Variants in ALDH5A1 observed in about 807,000 individuals in gnomAD.
ALDH5A1 encodes aldehyde dehydrogenase 5 family member A1, also known as succinate-semialdehyde dehydrogenase, mitochondrial.
A neutral mutation model predicts 54.7 loss-of-function variants in ALDH5A1; 33 were observed. The ratio of observed to expected loss-of-function variants is 0.60; its 90% CI spans 0.46 to 0.81. ALDH5A1 has a LOEUF of 0.81. Ranked by LOEUF, ALDH5A1 falls within the 30% of genes least tolerant of loss-of-function variation. The pLI is 0.00. For missense variants in ALDH5A1, 657 were observed against 711.0 expected (o/e 0.92, Z 0.86); for synonymous variants, 294 against 292.7 (o/e 1.00, Z -0.05).
At chr6:24,510,537 C>G (rs1310434422) in intron 4 of ALDH5A1, among the ~76,000 whole-genome samples, 2 of 152,090 alleles carry the variant, frequency 1.3e-5, no homozygotes, top group Non-Finnish European at 2.9e-5. Context: ...TTGAACGAGG[C>G]CTTTTATCAA....
Position 24,506,051 on chromosome 6 carries a change from C to T in ALDH5A1, c.726+1066C>T, listed in dbSNP as rs114853559. On this transcript the variant is annotated intron_variant, in intron 4 of 9. Transcript: ENST00000357578. ...TTTTCCCCCAGAACACCTAAAACTA[C>T]CTACCCTATCACTATTTGTAGGCCT... 4.8e-3 allele frequency among the ~76,000 whole-genome samples: 732 copies of T among 151,888 alleles called. 5 individuals are homozygous for T. Among genetic ancestry groups the T allele is most frequent in the African/African-American group, 0.017 (695 of 41,444 alleles).
chr6:24,527,977 T>C lies in ALDH5A1; in HGVS notation c.1174-20T>C. 1 of 1,613,640 alleles carries C rather than the reference T, an allele frequency of 6.2e-7. No individual in the cohort carries two copies. The highest frequency in any genetic ancestry group is 2.2e-5 in the East Asian group (1 of 44,864). ...AAGATTGTATCATGTGGAAAGCTTTTTTTCTTCCTCATTACACAGGTGGAG... is the reference window on the plus strand; with the variant it reads ...AAGATTGTATCATGTGGAAAGCTTTCTTTCTTCCTCATTACACAGGTGGAG... On this transcript the variant is annotated intron_variant, in intron 7 of 9. Transcript: ENST00000357578.
At chr6:24,515,102 C>CTTTTTTTTTTT (rs4646842) in intron 4 of ALDH5A1, 65 bp from the exon 5 acceptor site, 79 of 932,042 alleles carry the variant, frequency 8.5e-5, no homozygotes, top group South Asian at 3.1e-4. Context: ...TTTCTCTTTT[C>CTTTTTTTTTTT]TTTTTTTTTT....
chr6:24,513,813 G>A (rs566335897), intron 4 of ALDH5A1, among the ~76,000 whole-genome samples: 103 of 150,648 alleles, frequency 6.8e-4, no homozygotes, highest in African/African-American at 2.4e-3. Flanking sequence ...GCCCGTTGCT[G>A]CCCCCTGCTT....
chr6:24,498,979 A>C (rs1479949496), intron 1 of ALDH5A1, among the ~76,000 whole-genome samples: 7 of 152,140 alleles, frequency 4.6e-5, no homozygotes, highest in Non-Finnish European at 2.9e-5. Flanking sequence ...GGGCGCCTGT[A>C]ATCCCAGCTA....
At chr6:24,529,703 G>A (rs1447889512) in intron 8 of ALDH5A1, among the ~76,000 whole-genome samples, 6 of 105,646 alleles carry the variant, frequency 5.7e-5, no homozygotes, top group East Asian at 2.7e-4. Flanking sequence ...ATGGAGTCTC[G>A]CTCTGTCACC....
chr6:24,514,546 C>G (rs897714451), intron 4 of ALDH5A1, among the ~76,000 whole-genome samples: 4 of 152,098 alleles, frequency 2.6e-5, no homozygotes, highest in Non-Finnish European at 5.9e-5. Flanking sequence ...CGAGACCAGC[C>G]TGGCTAACAT....
chr6:24,529,680 T>TTTG (rs1432939411), intron 8 of ALDH5A1, among the ~76,000 whole-genome samples: 10 of 140,956 alleles, frequency 7.1e-5, no homozygotes, highest in Non-Finnish European at 1.6e-4. Flanking sequence ...GTTTTTTTTT[T>TTTG]TTTTTTTTTT....
intron 4 of ALDH5A1, among the ~76,000 whole-genome samples, chr6:24,511,332 G>A (rs1423288222): frequency 1.3e-5 from 2 of 152,190 alleles, no homozygotes; most frequent in Non-Finnish European, 2.9e-5. Context: ...TTTCCCAGGT[G>A]TTCTTTGTGC....
chr6:24,524,166 A>G (rs1759758984), intron 7 of ALDH5A1, among the ~76,000 whole-genome samples: 2 of 151,792 alleles, frequency 1.3e-5, no homozygotes, highest in Admixed American at 1.3e-4. Flanking sequence ...TTGTATTTTT[A>G]GTAGTGCTGG....
Position 24,504,945 on chromosome 6 carries a change from C to T in ALDH5A1, c.686C>T (p.Pro229Leu). The T allele has an allele frequency of 6.2e-7, 1 of 1,614,228 alleles. No homozygotes were observed. Among genetic ancestry groups the T allele is most frequent in the South Asian group, 1.1e-5 (1 of 91,086 alleles). Residue 229 changes from proline to leucine, a missense_variant, in exon 4 of 10, where the codon CCT becomes CTT. This residue lies in a region of ALDH5A1 where 425 missense variants were observed against 516.4 expected (regional missense o/e 0.82). Transcript: ENST00000357578. ...GCCGGCTGTACTGTCGTGGTGAAGC[C>T]TGCCGAAGACACGCCCTTCTCCGCC... Reference protein sequence around the residue: ...LAAGCTVVVKPAEDTPFSALA... With the variant: ...LAAGCTVVVKLAEDTPFSALA...
chr6:24,531,686 G>A (rs1759939275), intron 8 of ALDH5A1, among the ~76,000 whole-genome samples: 1 of 152,198 alleles, frequency 6.6e-6, no homozygotes, highest in Non-Finnish European at 1.5e-5. Flanking sequence ...CCATTGTTAA[G>A]CAGTGGTGGA....
In ALDH5A1 at chr6:24,535,266, T is replaced by G. The variant is rs1435382774; in HGVS notation, c.*1554T>G. On this transcript the variant is annotated 3_prime_UTR_variant, in exon 10 of 10. Coordinates refer to ENST00000357578, the MANE Select transcript of ALDH5A1 (RefSeq NM_001080.3). ...GAAGCTATGGTTGAGTAACTAAAGG[T>G]CTGGCAAGACCCTGGGCACACAGGG... 1 of 152,134 alleles carries G rather than the reference T, an allele frequency of 6.6e-6. No individual in the cohort carries two copies. The highest frequency in any genetic ancestry group is 1.5e-5 in the Non-Finnish European group (1 of 68,064). The allele number at this position is 152,134 out of a possible 1,614,324, so 9.4% of individuals were successfully genotyped here.
At chr6:24,522,534 TGCATAGCAGCTGTGTA>T (rs1165285526) in intron 6 of ALDH5A1, 105 of 427,652 alleles carry the variant, frequency 2.5e-4, no homozygotes, top group African/African-American at 2.2e-3. Context: ...TAATCACTGA[TGCATAGCAGCTGTGTA>T]GCATAGCAGC....
chr6:24,517,518 G>C (rs1759598244), intron 5 of ALDH5A1, among the ~76,000 whole-genome samples: 1 of 152,230 alleles, frequency 6.6e-6, no homozygotes, highest in South Asian at 2.1e-4. Flanking sequence ...TAGTTAGAAA[G>C]AAAGAGGGAA....
At position 24,509,824 on chromosome 6, in the gene ALDH5A1, T is replaced by C. The variant is rs375641285; in HGVS notation, c.726+4839T>C. 6.2e-4 allele frequency among the ~76,000 whole-genome samples: 94 copies of C among 152,274 alleles called. 1 individual carries two copies. Among genetic ancestry groups the C allele is most frequent in the African/African-American group, 2.2e-3 (90 of 41,572 alleles). On this transcript the variant is annotated intron_variant, in intron 4 of 9. Transcript: ENST00000357578. This position sits in a 1 kb window ranked among gnomAD's most constrained non-coding sequence, Gnocchi z 4.7. The stretch of plus-strand genomic sequence containing the variant: ...CATTTAGTTCTGCTCTGATCTTGGT[T>C]ATTTCCTTTCTTCTGCTGGGTTTGG...
Position 24,504,993 on chromosome 6 carries a change from G to A in ALDH5A1, c.726+8G>A, listed in dbSNP as rs2817220. 0.25 allele frequency: 406,414 copies of A among 1,612,044 alleles called. 53,764 individuals are homozygous for A. The highest frequency in any genetic ancestry group is 0.27 in the Non-Finnish European group (320,237 of 1,178,330). The stretch of plus-strand genomic sequence containing the variant: ...GCCCTGGCCCTGGCTGAGGTGAGCC[G>A]CTCTCCCTGTGTTTGTACAAAGCAG... On this transcript the variant is annotated splice_region_variant and intron_variant, in intron 4 of 9. Coordinates refer to ENST00000357578, the MANE Select transcript of ALDH5A1 (RefSeq NM_001080.3).
At chr6:24,499,810 C>T (rs1489720664) in intron 1 of ALDH5A1, among the ~76,000 whole-genome samples, 2 of 152,126 alleles carry the variant, frequency 1.3e-5, no homozygotes, top group African/African-American at 4.8e-5. Context: ...AGGCGCCTGC[C>T]ACCATGCCCG....
intron 8 of ALDH5A1, 113 bp downstream of exon 8, chr6:24,528,279 G>A (rs1759861091): frequency 1.6e-6 from 2 of 1,257,888 alleles, no homozygotes; most frequent in Non-Finnish European, 2.3e-6. Flanking sequence ...AGACAGTTGT[G>A]TTGAGTCCAT....
Sources: gnomAD v4.1 joint callset for allele counts (sites outside exome capture counted in the v4.1 genomes callset) on GRCh38, gnomAD v4.1.1 for gene constraint, gnomAD v4.1.1 regional missense constraint, Gnocchi (gnomAD v3.1) non-coding constraint, MANE v1.5 for transcripts, NCBI Gene and HGNC (gene_info 2026-07-23, HGNC 2026-07-21) for gene names.